Variants in OSBPL11 observed in about 807,000 individuals in gnomAD.
OSBPL11 encodes oxysterol binding protein like 11.
Under a neutral mutation model 84.4 loss-of-function variants are expected in OSBPL11, and 33 were observed. The observed-to-expected ratio is 0.39, with a 90% CI of 0.30 to 0.52. The LOEUF (loss-of-function observed/expected upper bound fraction) is 0.52, where lower values mean the gene tolerates loss of function less well. Ranked by LOEUF, OSBPL11 falls within the 20% of genes least tolerant of loss-of-function variation. The pLI is 0.72. For missense variants in OSBPL11, 736 were observed against 901.1 expected, an observed-to-expected ratio of 0.82 and a Z score of 2.35; for synonymous variants, 276 against 310.2, an observed-to-expected ratio of 0.89 and a Z score of 1.16.
At chr3:125,535,386 A>G (rs762263286) in intron 11 of OSBPL11, among the ~76,000 whole-genome samples, 13 of 151,692 alleles carry the variant, frequency 8.6e-5, no homozygotes, top group Admixed American at 3.3e-4. Context: ...CCTCATGTAT[A>G]TAGAAACTAT....
At chr3:125,564,960 T>C (rs1936133319) in intron 6 of OSBPL11, among the ~76,000 whole-genome samples, 1 of 152,182 alleles carries the variant, frequency 6.6e-6, no homozygotes, top group South Asian at 2.1e-4. Context: ...CGGCCACAAA[T>C]GAAATTTAGT....
At chr3:125,569,032 T>C (rs1463020917) in intron 5 of OSBPL11, among the ~76,000 whole-genome samples, 2 of 152,114 alleles carry the variant, frequency 1.3e-5, no homozygotes, top group Admixed American at 6.5e-5. Context: ...ACTGTAGCCT[T>C]GACTTCCCAG....
At chr3:125,556,249 T>G (rs1226762627) in intron 8 of OSBPL11, among the ~76,000 whole-genome samples, 1 of 152,236 alleles carries the variant, frequency 6.6e-6, no homozygotes, top group Non-Finnish European at 1.5e-5. Context: ...ACATGCTTCA[T>G]GCTGCCATTG....
At chr3:125,581,602 A>G (rs570407137) in intron 2 of OSBPL11, among the ~76,000 whole-genome samples, 1 of 150,998 alleles carries the variant, frequency 6.6e-6, no homozygotes, top group South Asian at 2.1e-4. Flanking sequence ...AGGCTGAGAC[A>G]GAAGAATCAC....
chr3:125,557,192 A>G (rs1936003885), intron 8 of OSBPL11, among the ~76,000 whole-genome samples: 1 of 152,218 alleles, frequency 6.6e-6, no homozygotes, highest in Admixed American at 6.5e-5. Context: ...AATGAACAGT[A>G]GGAAAATGCA....
intron 7 of OSBPL11, among the ~76,000 whole-genome samples, chr3:125,561,878 T>C (rs2922179): frequency 0.086 from 13,162 of 152,242 alleles, 1,125 homozygotes; most frequent in African/African-American, 0.22. Context: ...AGGTAGTATA[T>C]TATCCCTACC....
At position 125,531,907 on chromosome 3, in the gene OSBPL11, C is replaced by T; in HGVS notation, c.2132G>A (p.Arg711His). The part of the protein sequence containing the change: ...EERQRTEERH[R>H]TETGTPWKTK... ...TTTCCAAGGTGTGCCTGTTTCAGTACGATGCCTTTCTTCAGTCCTCTGACG... is the reference window on the plus strand; with the variant it reads ...TTTCCAAGGTGTGCCTGTTTCAGTATGATGCCTTTCTTCAGTCCTCTGACG... The change falls in exon 12 of 13, where the codon CGT becomes CAT. Residue 711 changes from arginine to histidine, a missense_variant. By Grantham distance (29) the Arg-to-His change is conservative (BLOSUM62 0). Around this residue, in one of 3 missense-constraint regions of OSBPL11, gnomAD observed 579 missense variants for 717.6 expected, o/e 0.81. Coordinates refer to ENST00000296220, the MANE Select transcript of OSBPL11 (RefSeq NM_022776.5). The T allele has an allele frequency of 1.2e-6, 2 of 1,613,972 alleles. No individual in the cohort carries two copies. The highest frequency in any genetic ancestry group is 1.7e-6 in the Non-Finnish European group (2 of 1,179,988).
chr3:125,567,691 C>G, intron 5 of OSBPL11, 96 bp from the exon 6 acceptor site: 1 of 1,056,418 alleles, frequency 9.5e-7, no homozygotes, highest in Non-Finnish European at 1.4e-6. Context: ...AGCTTCTGAG[C>G]CATTTTTAAA....
chr3:125,578,766 G>A (rs1173269315), intron 4 of OSBPL11, among the ~76,000 whole-genome samples, 194 bp downstream of exon 4: 6 of 148,740 alleles, frequency 4.0e-5, no homozygotes, highest in Admixed American at 2.7e-4. Flanking sequence ...GAGAGACTCC[G>A]TCTCAAAAAA....
chr3:125,555,001 C>T (rs999245859), intron 8 of OSBPL11, among the ~76,000 whole-genome samples: 1 of 150,602 alleles, frequency 6.6e-6, no homozygotes, highest in African/African-American at 2.4e-5. Flanking sequence ...TTCTTGGGTG[C>T]GTCTGAGGGT....
At chr3:125,584,310 G>A (rs1936473966) in intron 1 of OSBPL11, among the ~76,000 whole-genome samples, 1 of 152,100 alleles carries the variant, frequency 6.6e-6, no homozygotes, top group Non-Finnish European at 1.5e-5. Flanking sequence ...AGGTTACAGT[G>A]AGCCGAGACT....
At chr3:125,581,278 G>C (rs1936419889) in intron 2 of OSBPL11, among the ~76,000 whole-genome samples, 1 of 151,994 alleles carries the variant, frequency 6.6e-6, no homozygotes, top group Non-Finnish European at 1.5e-5. Context: ...TTTTCGTAGA[G>C]ATGGAGTTTT....
At chr3:125,563,151 T>C (rs1314616033) in intron 7 of OSBPL11, among the ~76,000 whole-genome samples, 1 of 152,180 alleles carries the variant, frequency 6.6e-6, no homozygotes, top group Non-Finnish European at 1.5e-5. Context: ...CAATATGATT[T>C]GTTACAGTGG....
intron 11 of OSBPL11, among the ~76,000 whole-genome samples, chr3:125,532,975 C>A (rs1224629419): frequency 6.6e-6 from 1 of 150,862 alleles, no homozygotes; most frequent in East Asian, 1.9e-4. Context: ...TATGAAATAT[C>A]CAGAAAAGGC....
chr3:125,558,821 T>G (rs866268912), intron 8 of OSBPL11, among the ~76,000 whole-genome samples: 3 of 152,320 alleles, frequency 2.0e-5, no homozygotes, highest in South Asian at 2.1e-4. Context: ...CAAACTTTAA[T>G]GTATATATGA....
intron 8 of OSBPL11, among the ~76,000 whole-genome samples, chr3:125,557,142 G>A (rs1003990701): frequency 1.3e-5 from 2 of 152,120 alleles, no homozygotes; most frequent in Non-Finnish European, 2.9e-5. Flanking sequence ...CTAAAATTTT[G>A]TGTTTATATA....
At chr3:125,572,250 A>C (rs554317952) in intron 5 of OSBPL11, among the ~76,000 whole-genome samples, 65 of 152,290 alleles carry the variant, frequency 4.3e-4, no homozygotes, top group African/African-American at 1.6e-3. Flanking sequence ...TACCCCCATT[A>C]TATCTAGGAA....
chr3:125,540,119 G>A (rs963407774), intron 10 of OSBPL11, among the ~76,000 whole-genome samples: 4 of 152,008 alleles, frequency 2.6e-5, no homozygotes, highest in Non-Finnish European at 4.4e-5. Flanking sequence ...GAATCTAAGA[G>A]CAAATCAAAC....
chr3:125,568,484 GA>G (rs1158657041), intron 5 of OSBPL11, among the ~76,000 whole-genome samples: 2 of 150,212 alleles, frequency 1.3e-5, no homozygotes, highest in African/African-American at 4.9e-5. Flanking sequence ...AAAGATTCTA[GA>G]AGATCCTTAA....
Sources: gnomAD v4.1 joint callset for allele counts (sites outside exome capture counted in the v4.1 genomes callset) on GRCh38, gnomAD v4.1.1 for gene constraint, gnomAD v4.1.1 regional missense constraint, MANE v1.5 for transcripts, NCBI Gene and HGNC (gene_info 2026-07-23, HGNC 2026-07-21) for gene names.